SRPK2: variants seen among roughly 807,000 people sequenced by gnomAD.
SRPK2 encodes SFRS protein kinase 2.
Under a neutral mutation model 90.8 loss-of-function variants are expected in SRPK2, and 21 were observed. The observed-to-expected ratio is 0.23, with a 90% CI of 0.16 to 0.33. SRPK2 has a LOEUF of 0.33. Among genes scored for constraint, SRPK2 ranks in the 10% least tolerant of loss-of-function variants. The probability of loss-of-function intolerance (pLI) is 1.00; values close to 1 mark genes in which losing one functional copy is unlikely to be tolerated. For synonymous variants in SRPK2, 288 were observed against 311.1 expected (o/e 0.93, Z 0.78); for missense variants, 620 against 869.0 (o/e 0.71, Z 3.60).
At chr7:105,315,581 A>G (rs1364140308) in intron 2 of SRPK2, among the ~76,000 whole-genome samples, 1 of 152,188 alleles carries the variant, frequency 6.6e-6, no homozygotes, top group African/African-American at 2.4e-5. Flanking sequence ...TCTCATTTCA[A>G]CCTTTCAACC....
chr7:105,359,074 C>A (rs1464589105), intron 2 of SRPK2, among the ~76,000 whole-genome samples: 1 of 151,766 alleles, frequency 6.6e-6, no homozygotes, highest in African/African-American at 2.4e-5. Context: ...AAACACCAGG[C>A]CCCACCACCA....
intron 2 of SRPK2, among the ~76,000 whole-genome samples, chr7:105,255,239 A>C (rs1803099219): frequency 1.3e-5 from 2 of 151,624 alleles, no homozygotes. Flanking sequence ...GAGCAATGTT[A>C]ATTATTTCCT....
chr7:105,167,350 A>G (rs1790208148), intron 6 of SRPK2, 27 bp downstream of exon 6: 2 of 1,579,386 alleles, frequency 1.3e-6, no homozygotes, highest in Admixed American at 1.7e-5. Context: ...AGGTAAAAAT[A>G]CAAATAAATC....
intron 2 of SRPK2, among the ~76,000 whole-genome samples, chr7:105,351,093 T>C (rs1428540606): frequency 6.6e-6 from 1 of 152,130 alleles, no homozygotes; most frequent in African/African-American, 2.4e-5. Flanking sequence ...TCTGCCCTCA[T>C]GAATGGAACC....
chr7:105,388,563 A>C, intron 2 of SRPK2, 85 bp downstream of exon 2: 4 of 1,213,948 alleles, frequency 3.3e-6, no homozygotes, highest in South Asian at 3.0e-5. Context: ...CGGCCCGGGG[A>C]CCCGGACAAC....
intron 2 of SRPK2, among the ~76,000 whole-genome samples, chr7:105,308,570 T>C (rs1170989635): frequency 6.6e-6 from 1 of 152,136 alleles, no homozygotes; most frequent in Non-Finnish European, 1.5e-5. Flanking sequence ...TAATCCAAAA[T>C]TCTTATGGTA....
chr7:105,367,794 C>T (rs1346152366), intron 2 of SRPK2, among the ~76,000 whole-genome samples: 1 of 152,148 alleles, frequency 6.6e-6, no homozygotes, highest in Non-Finnish European at 1.5e-5. Flanking sequence ...ATAAAACAGG[C>T]TAGCATCTAC....
chr7:105,272,447 T>G (rs565608250), intron 2 of SRPK2, among the ~76,000 whole-genome samples: 128 of 152,372 alleles, frequency 8.4e-4, no homozygotes, highest in African/African-American at 3.0e-3. Context: ...GCTTTTATTT[T>G]TAGTCATAAT....
intron 3 of SRPK2, among the ~76,000 whole-genome samples, chr7:105,190,200 C>G (rs1158789224): frequency 6.6e-6 from 1 of 152,182 alleles, no homozygotes; most frequent in African/African-American, 2.4e-5. Flanking sequence ...CAGGGGCTGA[C>G]AAGTGAGGAC....
intron 2 of SRPK2, among the ~76,000 whole-genome samples, chr7:105,369,304 G>A (rs1168625575): frequency 6.6e-6 from 1 of 151,862 alleles, no homozygotes; most frequent in Non-Finnish European, 1.5e-5. Context: ...ATGCAACCAG[G>A]CCCAGCTAAT....
At chr7:105,123,447 T>C (rs1460217978) in intron 15 of SRPK2, among the ~76,000 whole-genome samples, 1 of 152,204 alleles carries the variant, frequency 6.6e-6, no homozygotes, top group Non-Finnish European at 1.5e-5. Flanking sequence ...CATCAGTAAC[T>C]GCTTTCAAAA....
At chr7:105,389,458 T>C, upstream of SRPK2, 1 of 1,160,254 alleles carries the variant, frequency 8.6e-7, no homozygotes, top group Non-Finnish European at 1.1e-6. Context: ...CGGTGTGACC[T>C]TGGAGAAGTC....
intron 8 of SRPK2, among the ~76,000 whole-genome samples, chr7:105,146,254 T>C (rs1804616808): frequency 6.6e-6 from 1 of 152,192 alleles, no homozygotes; most frequent in South Asian, 2.1e-4. Flanking sequence ...CAAATATAGA[T>C]GAAGCAGCAA....
At chr7:105,259,973 TG>T (rs1177850531) in intron 2 of SRPK2, among the ~76,000 whole-genome samples, 1 of 152,242 alleles carries the variant, frequency 6.6e-6, no homozygotes, top group Admixed American at 6.5e-5. Flanking sequence ...GACACAGGCA[TG>T]GGCAAAGACT....
intron 2 of SRPK2, among the ~76,000 whole-genome samples, chr7:105,315,808 A>G (rs1481528599): frequency 6.6e-6 from 1 of 152,218 alleles, no homozygotes; most frequent in Admixed American, 6.5e-5. Flanking sequence ...AAAAATCTGG[A>G]TAAGTTGTAT....
chr7:105,309,856 C>T (rs1289821357), intron 2 of SRPK2, among the ~76,000 whole-genome samples: 1 of 152,204 alleles, frequency 6.6e-6, no homozygotes, highest in African/African-American at 2.4e-5. Flanking sequence ...GGGCCACACA[C>T]TCTGTTACAC....
At chr7:105,286,981 G>A (rs991039560) in intron 2 of SRPK2, among the ~76,000 whole-genome samples, 1 of 152,136 alleles carries the variant, frequency 6.6e-6, no homozygotes, top group South Asian at 2.1e-4. Context: ...AAGGATGCAG[G>A]CCGGGCGCGG....
chr7:105,152,170 G>A (rs1192688613), intron 7 of SRPK2, among the ~76,000 whole-genome samples: 1 of 151,398 alleles, frequency 6.6e-6, no homozygotes, highest in African/African-American at 2.4e-5. Context: ...CTTTTTTTGA[G>A]ATGGAGTCTC....
Position 105,320,119 on chromosome 7 carries a change from G to A in SRPK2, c.71+68529C>T, listed in dbSNP as rs931304257. Among the ~76,000 whole-genome samples, 3 of 152,032 alleles carry A rather than the reference G, an allele frequency of 2.0e-5. No homozygotes were observed. In the South Asian group the frequency reaches 6.2e-4, roughly 32 times the overall value. On this transcript the variant is annotated intron_variant, in intron 2 of 15. Transcript: ENST00000393651. ...TTCTCTTCAGGTGCATTGTCTACAG[G>A]TTGATTTTGCTATATATTTAAGGCA...
Sources: gnomAD v4.1 joint callset for allele counts (sites outside exome capture counted in the v4.1 genomes callset) on GRCh38, gnomAD v4.1.1 for gene constraint, MANE v1.5 for transcripts, NCBI Gene and HGNC (gene_info 2026-07-23, HGNC 2026-07-21) for gene names.